The following GPC6 variants were observed in gnomAD, a reference collection of about 807,000 sequenced individuals.
GPC6 encodes the protein glypican-6.
A neutral mutation model predicts 55.2 loss-of-function variants in GPC6; 14 were observed. The ratio of observed to expected loss-of-function variants is 0.25; its 90% confidence interval spans 0.17 to 0.40. The LOEUF is 0.40. GPC6 is among the 10% of genes least tolerant of loss of function. The pLI is 1.00. For missense variants in GPC6, 641 were observed against 708.5 expected (o/e 0.90, Z 1.08); for synonymous variants, 278 against 259.6 (o/e 1.07, Z -0.68).
intron 1 of GPC6, among the ~76,000 whole-genome samples, chr13:93,399,650 G>A (rs1037730112): frequency 2.6e-5 from 4 of 152,160 alleles, no homozygotes; most frequent in Non-Finnish European, 5.9e-5. Flanking sequence ...TATTTACACA[G>A]GAAGAATGAA....
At chr13:93,287,130 T>A (rs571002722) in intron 1 of GPC6, among the ~76,000 whole-genome samples, 1 of 152,286 alleles carries the variant, frequency 6.6e-6, no homozygotes, top group South Asian at 2.1e-4. Flanking sequence ...ATTATGTATA[T>A]GCAAATATTA....
intron 2 of GPC6, among the ~76,000 whole-genome samples, chr13:93,651,161 T>G (rs896884140): frequency 3.9e-5 from 6 of 152,150 alleles, no homozygotes; most frequent in African/African-American, 7.2e-5. Flanking sequence ...GATGAAATAC[T>G]TTAAAAATGC....
intron 3 of GPC6, among the ~76,000 whole-genome samples, chr13:93,857,722 T>A (rs2139021706): frequency 6.6e-6 from 1 of 151,730 alleles, no homozygotes; most frequent in South Asian, 2.1e-4. Context: ...AGCAAAGGGC[T>A]ACTACTACTA....
rs1274281041 is a variant in GPC6 at position 94,374,851 on chromosome 13, A to G, written c.1153-7563A>G. 2.2e-5 allele frequency among the ~76,000 whole-genome samples: 3 copies of G among 136,578 alleles called. No individual in the cohort carries two copies. In the Admixed American group the frequency reaches 2.2e-4, roughly 10 times the overall value. The allele number at this position is 136,578 out of a possible 152,430, so 89.6% of individuals were successfully genotyped here. On this transcript the variant is annotated intron_variant, in intron 6 of 8. Transcript: ENST00000377047. Reference sequence around the variant, plus strand: ...GCAAATGTAAAAGAACAGAAATTATAACAAACTATCTCTCAGACCACAGTG... The same window carrying G: ...GCAAATGTAAAAGAACAGAAATTATGACAAACTATCTCTCAGACCACAGTG...
intron 2 of GPC6, among the ~76,000 whole-genome samples, chr13:93,774,113 C>G (rs1885386190): frequency 6.6e-6 from 1 of 152,172 alleles, no homozygotes; most frequent in African/African-American, 2.4e-5. Flanking sequence ...TCACCACATT[C>G]AGGGACACTC....
intron 4 of GPC6, among the ~76,000 whole-genome samples, chr13:94,069,669 C>G (rs1341722677): frequency 6.6e-6 from 1 of 152,164 alleles, no homozygotes; most frequent in Non-Finnish European, 1.5e-5. Flanking sequence ...TAAGTCTTCT[C>G]TCTCAAGTTC....
At chr13:93,640,205 G>A (rs1029702414) in intron 2 of GPC6, among the ~76,000 whole-genome samples, 2 of 151,964 alleles carry the variant, frequency 1.3e-5, no homozygotes. Flanking sequence ...AGTCAAAAGG[G>A]CCCATGGCAC....
intron 3 of GPC6, among the ~76,000 whole-genome samples, chr13:93,906,099 G>C (rs540851898): frequency 1.3e-5 from 2 of 152,260 alleles, no homozygotes; most frequent in East Asian, 3.9e-4. Flanking sequence ...GGGTGTCTCA[G>C]AACCTCAGTG....
chr13:93,406,771 G>T (rs566164880), intron 1 of GPC6, among the ~76,000 whole-genome samples: 1 of 152,206 alleles, frequency 6.6e-6, no homozygotes, highest in Non-Finnish European at 1.5e-5. Flanking sequence ...CAACTCCCAT[G>T]TACCATTCTT....
At chr13:94,353,012 C>T (rs866257509) in intron 6 of GPC6, among the ~76,000 whole-genome samples, 3 of 152,154 alleles carry the variant, frequency 2.0e-5, no homozygotes, top group Admixed American at 6.5e-5. Flanking sequence ...CTTTACAGCT[C>T]ATGCAGAGGT....
At chr13:93,540,938 A>G (rs537805789) in intron 1 of GPC6, among the ~76,000 whole-genome samples, 1 of 152,034 alleles carries the variant, frequency 6.6e-6, no homozygotes, top group Non-Finnish European at 1.5e-5. Context: ...AGAACATGCA[A>G]TGTTTATCTT....
chr13:93,988,259 G>T (rs1182265327), intron 3 of GPC6, among the ~76,000 whole-genome samples: 1 of 152,014 alleles, frequency 6.6e-6, no homozygotes, highest in Non-Finnish European at 1.5e-5. Context: ...CTATTGTCAG[G>T]GTCTGTGAAG....
At chr13:93,884,970 T>C (rs1015185730) in intron 3 of GPC6, among the ~76,000 whole-genome samples, 56 of 152,118 alleles carry the variant, frequency 3.7e-4, no homozygotes, top group Middle Eastern at 3.2e-3. Flanking sequence ...ACTTCACTTG[T>C]TTGGGGCTTC....
chr13:93,986,033 C>T (rs905288349), intron 3 of GPC6, among the ~76,000 whole-genome samples: 2 of 151,862 alleles, frequency 1.3e-5, no homozygotes, highest in Non-Finnish European at 2.9e-5. Flanking sequence ...TTTTTGTTAC[C>T]GGATAGACAC....
chr13:94,224,065 C>T (rs1042080512), intron 4 of GPC6, among the ~76,000 whole-genome samples: 1 of 151,778 alleles, frequency 6.6e-6, no homozygotes, highest in Non-Finnish European at 1.5e-5. Context: ...TAAAATGGTC[C>T]GTAAGTGTAG....
chr13:94,328,426 T>G (rs1164753304), intron 6 of GPC6, among the ~76,000 whole-genome samples: 1 of 152,150 alleles, frequency 6.6e-6, no homozygotes, highest in Non-Finnish European at 1.5e-5. Context: ...CACCCTAAAG[T>G]GAGGTTTCCA....
intron 4 of GPC6, among the ~76,000 whole-genome samples, chr13:94,032,490 A>G (rs1883179933): frequency 6.6e-6 from 1 of 152,204 alleles, no homozygotes; most frequent in Non-Finnish European, 1.5e-5. Flanking sequence ...AAGCCCTCAG[A>G]CAGTTTGTTT....
intron 2 of GPC6, among the ~76,000 whole-genome samples, chr13:93,736,929 A>G (rs1367908520): frequency 6.6e-6 from 1 of 152,206 alleles, no homozygotes; most frequent in Non-Finnish European, 1.5e-5. Context: ...GAGAAAGGCC[A>G]CAATTTCCTA....
chr13:94,038,179 A>G (rs1431152010), intron 4 of GPC6, among the ~76,000 whole-genome samples: 1 of 151,966 alleles, frequency 6.6e-6, no homozygotes, highest in African/African-American at 2.4e-5. Context: ...ATTGTGAAGT[A>G]ATTACCACAA....
Sources: gnomAD v4.1 joint callset for allele counts (sites outside exome capture counted in the v4.1 genomes callset) on GRCh38, gnomAD v4.1.1 for gene constraint, MANE v1.5 for transcripts, NCBI Gene and HGNC (gene_info 2026-07-23, HGNC 2026-07-21) for gene names.